The following CCDC30 variants were observed in gnomAD, a reference collection of about 807,000 sequenced individuals.
CCDC30 encodes the protein coiled-coil domain-containing protein 30.
A neutral mutation model predicts 100.2 loss-of-function variants in CCDC30; 70 were observed. The observed-to-expected ratio is 0.70, with a 90% confidence interval of 0.58 to 0.85. CCDC30 has a LOEUF of 0.85. Among genes scored for constraint, CCDC30 ranks in the 40% least tolerant of loss-of-function variants. The probability of loss-of-function intolerance (pLI) is 0.00; values close to 1 mark genes in which losing one functional copy is unlikely to be tolerated. For synonymous variants in CCDC30, 233 were observed against 269.5 expected (o/e 0.86, Z 1.33); for missense variants, 652 against 771.2 (o/e 0.85, Z 1.83).
intron 6 of CCDC30, among the ~76,000 whole-genome samples, chr1:42,562,095 G>A (rs1163392851): frequency 6.6e-6 from 1 of 152,140 alleles, no homozygotes; most frequent in Non-Finnish European, 1.5e-5. Context: ...CACAGAATTA[G>A]AAAAAACTAT....
chr1:42,599,721 T>C (rs545725762), intron 10 of CCDC30, among the ~76,000 whole-genome samples: 5 of 152,294 alleles, frequency 3.3e-5, no homozygotes, highest in African/African-American at 1.2e-4. Flanking sequence ...GAGAAGGATG[T>C]AACATGCTAA....
Position 42,589,309 on chromosome 1 carries a change from A to T in CCDC30, c.1002-12A>T. The T allele has an allele frequency of 6.3e-7, 1 of 1,575,180 alleles. No individual in the cohort carries two copies. Among genetic ancestry groups the T allele is most frequent in the East Asian group, 2.2e-5 (1 of 44,462 alleles). On this transcript the variant is annotated splice_polypyrimidine_tract_variant and intron_variant, in intron 9 of 16. Coordinates refer to ENST00000668663, the Ensembl canonical transcript of CCDC30. Reference sequence around the variant, plus strand: ...TTCATGGTGTGATTTAATCTACATTAATTGCCCTCAGGAAACTTCTATATC... The same window carrying T: ...TTCATGGTGTGATTTAATCTACATTTATTGCCCTCAGGAAACTTCTATATC...
At chr1:42,506,143 A>G (rs1557812480) in intron 6 of CCDC30, among the ~76,000 whole-genome samples, 2 of 152,264 alleles carry the variant, frequency 1.3e-5, no homozygotes, top group Non-Finnish European at 2.9e-5. Context: ...AGCTTAAAAT[A>G]AAAGTTTCCT....
At position 42,623,179 on chromosome 1, in the gene CCDC30, G is replaced by C. The variant is rs148909559; in HGVS notation, c.1277+12089G>C. Reference sequence around the variant, plus strand: ...TGCAAATATTTTCCCTATTCCATGGGTTGTCACTTCACTTTGTTGATTGTT... The same window carrying C: ...TGCAAATATTTTCCCTATTCCATGGCTTGTCACTTCACTTTGTTGATTGTT... On this transcript the variant is annotated intron_variant, in intron 11 of 16. Transcript: ENST00000668663. Among the ~76,000 whole-genome samples, 515 of 152,186 alleles carry C rather than the reference G, an allele frequency of 3.4e-3. 5 individuals carry two copies. The highest frequency in any genetic ancestry group is 0.012 in the African/African-American group (504 of 41,510).
chr1:42,514,193 C>A (rs1425192778), intron 6 of CCDC30, among the ~76,000 whole-genome samples: 1 of 152,128 alleles, frequency 6.6e-6, no homozygotes, highest in Non-Finnish European at 1.5e-5. Flanking sequence ...ATGAATAATT[C>A]TGTTATGAAT....
At chr1:42,552,534 T>C (rs749269066) in intron 6 of CCDC30, among the ~76,000 whole-genome samples, 1 of 152,194 alleles carries the variant, frequency 6.6e-6, no homozygotes, top group Non-Finnish European at 1.5e-5. Context: ...CCTTCATATA[T>C]ATTAAATTTA....
intron 10 of CCDC30, among the ~76,000 whole-genome samples, chr1:42,610,749 T>A (rs754897801): frequency 6.6e-6 from 1 of 152,022 alleles, no homozygotes; most frequent in African/African-American, 2.4e-5. Context: ...ATAAAGGGAA[T>A]TAGATGCTTA....
chr1:42,594,364 A>AT (rs1646244852), intron 10 of CCDC30: 1 of 152,214 alleles, frequency 6.6e-6, no homozygotes, highest in South Asian at 2.1e-4. Context: ...ATTTTTTTTA[A>AT]TTAGCTGGGC....
exon 11 of CCDC30, chr1:42,611,042 T>A: frequency 6.2e-7 from 1 of 1,612,968 alleles, no homozygotes; most frequent in East Asian, 2.2e-5. Flanking sequence ...AAGGAAGCTC[T>A]ACGTGAAGAA....
At chr1:42,557,932 G>A (rs1432315008) in intron 6 of CCDC30, among the ~76,000 whole-genome samples, 1 of 151,766 alleles carries the variant, frequency 6.6e-6, no homozygotes. Context: ...TGTTGACTGA[G>A]AAAAAAACAA....
At chr1:42,633,376 C>T (rs1401212431) in intron 11 of CCDC30, among the ~76,000 whole-genome samples, 2 of 152,076 alleles carry the variant, frequency 1.3e-5, no homozygotes, top group Admixed American at 6.6e-5. Context: ...GGTGGTTCAA[C>T]TCAACCTTCA....
chr1:42,530,088 G>A (rs1252833704), intron 6 of CCDC30, among the ~76,000 whole-genome samples: 1 of 152,118 alleles, frequency 6.6e-6, no homozygotes, highest in African/African-American at 2.4e-5. Context: ...CTCCTGACAT[G>A]CAACCATGGA....
chr1:42,536,562 T>G (rs138316485), intron 6 of CCDC30: 51 of 1,613,426 alleles, frequency 3.2e-5, no homozygotes, highest in Non-Finnish European at 4.2e-5. Flanking sequence ...TGGCATCTGG[T>G]CTTGACACTG....
chr1:42,483,679 C>G (rs1433024408), intron 3 of CCDC30, among the ~76,000 whole-genome samples: 1 of 152,184 alleles, frequency 6.6e-6, no homozygotes, highest in African/African-American at 2.4e-5. Context: ...TTGTGAAGTT[C>G]CTGCTCGAGT....
At chr1:42,457,025 G>C in the CCDC30 span, 1 of 1,601,860 alleles carries the variant, frequency 6.2e-7, no homozygotes, top group Non-Finnish European at 8.5e-7. Flanking sequence ...CACTTTGGCG[G>C]ACTATTTGCA....
At chr1:42,460,483 TTGTAGAA>T (rs1643381478), upstream of CCDC30, 8 of 629,154 alleles carry the variant, frequency 1.3e-5, no homozygotes, top group Non-Finnish European at 1.6e-5. Flanking sequence ...TGAAGATAGA[TTGTAGAA>T]TGGTGAGCTT....
At chr1:42,479,566 TAAA>T (rs34698340) in intron 1 of CCDC30, among the ~76,000 whole-genome samples, 5 of 135,442 alleles carry the variant, frequency 3.7e-5, no homozygotes, top group Non-Finnish European at 6.4e-5. Flanking sequence ...GACATATGCT[TAAA>T]AAAAAAAAAA....
intron 7 of CCDC30, among the ~76,000 whole-genome samples, chr1:42,569,493 A>G (rs1645685784): frequency 6.6e-6 from 1 of 152,198 alleles, no homozygotes; most frequent in African/African-American, 2.4e-5. Flanking sequence ...GCTGGCGAGG[A>G]TGTGGTGAAA....
chr1:42,618,549 A>T (rs1478824397), intron 11 of CCDC30, among the ~76,000 whole-genome samples: 3 of 152,164 alleles, frequency 2.0e-5, no homozygotes, highest in African/African-American at 7.2e-5. Context: ...AACCAGTGAT[A>T]TCTTTTACCA....
Sources: gnomAD v4.1 joint callset for allele counts (sites outside exome capture counted in the v4.1 genomes callset) on GRCh38, gnomAD v4.1.1 for gene constraint, MANE v1.5 for transcripts, NCBI Gene and HGNC (gene_info 2026-07-23, HGNC 2026-07-21) for gene names.